Variants in LSAMP observed in about 807,000 individuals in gnomAD.
LSAMP encodes limbic system-associated membrane protein.
LSAMP carries 7 observed loss-of-function variants against 38.6 expected under a neutral mutation model. The observed-to-expected ratio is 0.18, with a 90% CI of 0.10 to 0.34. The LOEUF (loss-of-function observed/expected upper bound fraction) is 0.34, where lower values mean the gene tolerates loss of function less well. Ranked by LOEUF, LSAMP falls within the 10% of genes least tolerant of loss-of-function variation. The probability of loss-of-function intolerance (pLI) is 1.00; values close to 1 mark genes in which losing one functional copy is unlikely to be tolerated. For synonymous variants in LSAMP, 154 were observed against 166.8 expected, an observed-to-expected ratio of 0.92 and a Z score of 0.59; for missense variants, 313 against 420.0, an observed-to-expected ratio of 0.75 and a Z score of 2.23.
chr3:116,411,562 T>A (rs2048977497), intron 1 of LSAMP, among the ~76,000 whole-genome samples: 1 of 132,330 alleles, frequency 7.6e-6, no homozygotes, highest in Non-Finnish European at 1.5e-5. Context: ...CACTCATAGG[T>A]GGAAACTGAA....
chr3:116,419,498 G>A (rs534292555), intron 1 of LSAMP, among the ~76,000 whole-genome samples: 46 of 152,230 alleles, frequency 3.0e-4, no homozygotes, highest in African/African-American at 7.7e-4. Flanking sequence ...TGAGTGCTCT[G>A]AGGTCTAGAC....
At chr3:115,865,811 T>G (rs1235487319) in intron 3 of LSAMP, among the ~76,000 whole-genome samples, 2 of 152,156 alleles carry the variant, frequency 1.3e-5, no homozygotes, top group Non-Finnish European at 2.9e-5. Flanking sequence ...TTTCTTTTCT[T>G]AAGGGAGTTA....
intron 3 of LSAMP, among the ~76,000 whole-genome samples, chr3:115,955,715 C>T (rs1237864599): frequency 6.6e-6 from 1 of 152,168 alleles, no homozygotes; most frequent in Non-Finnish European, 1.5e-5. Context: ...TTTTAATAGA[C>T]AGCAGCAAAA....
chr3:116,126,450 T>G lies in LSAMP; in HGVS notation c.156-39894A>C, dbSNP rs375558257. On this transcript the variant is annotated intron_variant, in intron 1 of 6. Transcript: ENST00000490035. ...GAGACCTAATGAATGATAGAAAAAT[T>G]TACCATGAATTATACCCCTCATTTT... Among the ~76,000 whole-genome samples the G allele has an allele frequency of 7.2e-5, 11 of 152,288 alleles. No homozygotes were observed. In the East Asian group the frequency reaches 9.7e-4, roughly 13 times the overall value.
chr3:115,940,906 T>C (rs1937897301), intron 3 of LSAMP, among the ~76,000 whole-genome samples: 1 of 152,234 alleles, frequency 6.6e-6, no homozygotes, highest in African/African-American at 2.4e-5. Context: ...AAGATCACTT[T>C]GGCTATTCAG....
chr3:115,939,283 T>C (rs1018845363), intron 3 of LSAMP, among the ~76,000 whole-genome samples: 4 of 152,120 alleles, frequency 2.6e-5, no homozygotes, highest in Non-Finnish European at 4.4e-5. Flanking sequence ...GGGGAAAATA[T>C]ATAACCTGAA....
intron 1 of LSAMP, among the ~76,000 whole-genome samples, chr3:116,351,901 T>C: frequency 6.6e-6 from 1 of 152,112 alleles, no homozygotes; most frequent in East Asian, 1.9e-4. Flanking sequence ...AACTAACTCC[T>C]TATTTCAATG....
chr3:115,944,322 A>G (rs1342100466), intron 3 of LSAMP, among the ~76,000 whole-genome samples: 1 of 152,186 alleles, frequency 6.6e-6, no homozygotes, highest in African/African-American at 2.4e-5. Flanking sequence ...ATGCATTGTT[A>G]TCAATAACAT....
chr3:116,268,605 A>G (rs955962220), intron 1 of LSAMP, among the ~76,000 whole-genome samples: 2 of 152,104 alleles, frequency 1.3e-5, no homozygotes, highest in African/African-American at 4.8e-5. Context: ...CTTGGCAAAC[A>G]TAGAGTCTCT....
At chr3:116,240,080 CA>C (rs2046513283) in intron 1 of LSAMP, among the ~76,000 whole-genome samples, 1 of 152,060 alleles carries the variant, frequency 6.6e-6, no homozygotes, top group South Asian at 2.1e-4. Context: ...TATATATACA[CA>C]AAATATTTTC....
chr3:116,071,948 C>T (rs1576345780), intron 2 of LSAMP, among the ~76,000 whole-genome samples: 2 of 150,286 alleles, frequency 1.3e-5, no homozygotes, highest in South Asian at 2.1e-4. Flanking sequence ...TTTGTGGCTG[C>T]ATAGTATTCC....
At chr3:116,233,309 A>G (rs2046425471) in intron 1 of LSAMP, among the ~76,000 whole-genome samples, 1 of 146,066 alleles carries the variant, frequency 6.8e-6, no homozygotes, top group Admixed American at 7.1e-5. Context: ...GCTACTCGGG[A>G]GGCTGAGGCA....
intron 3 of LSAMP, among the ~76,000 whole-genome samples, chr3:116,015,352 GAAGA>G (rs1366393374): frequency 6.6e-6 from 1 of 152,140 alleles, no homozygotes; most frequent in African/African-American, 2.4e-5. Context: ...ATGAATGTGA[GAAGA>G]AAGACTTAGA....
intron 1 of LSAMP, among the ~76,000 whole-genome samples, chr3:116,166,682 G>T (rs982666026): frequency 6.6e-6 from 1 of 151,326 alleles, no homozygotes; most frequent in South Asian, 2.1e-4. Context: ...AAAAAATCTA[G>T]TATATACATT....
At chr3:116,269,629 T>A (rs954668728) in intron 1 of LSAMP, among the ~76,000 whole-genome samples, 4 of 152,128 alleles carry the variant, frequency 2.6e-5, no homozygotes, top group Non-Finnish European at 5.9e-5. Context: ...AGTGACCATA[T>A]AATTTATCAT....
At chr3:116,130,052 A>G (rs1270592749) in intron 1 of LSAMP, among the ~76,000 whole-genome samples, 2 of 152,354 alleles carry the variant, frequency 1.3e-5, no homozygotes, top group African/African-American at 4.8e-5. Context: ...AAGCATATCT[A>G]GGAACACTCT....
At chr3:116,040,814 T>C (rs1013005358) in intron 2 of LSAMP, among the ~76,000 whole-genome samples, 4 of 152,182 alleles carry the variant, frequency 2.6e-5, no homozygotes, top group African/African-American at 9.7e-5. Flanking sequence ...CAGTGGCTCA[T>C]GCCTGCTGCA....
At chr3:115,871,147 T>C (rs1165437483) in intron 3 of LSAMP, among the ~76,000 whole-genome samples, 1 of 152,196 alleles carries the variant, frequency 6.6e-6, no homozygotes, top group African/African-American at 2.4e-5. Flanking sequence ...AATCTCTTTC[T>C]CATTTTATGC....
chr3:115,812,767 C>T (rs930048284), intron 6 of LSAMP, among the ~76,000 whole-genome samples: 7 of 152,168 alleles, frequency 4.6e-5, no homozygotes, highest in African/African-American at 1.7e-4. Context: ...GGGTCCAATT[C>T]TGCTGATTTC....
Sources: allele counts gnomAD v4.1 joint callset (sites outside exome capture counted in the v4.1 genomes callset), GRCh38; gene constraint gnomAD v4.1.1; transcripts MANE v1.5; gene names NCBI Gene and HGNC (gene_info 2026-07-23, HGNC 2026-07-21).